Variants in GRM8 observed in about 807,000 individuals in gnomAD.
GRM8 encodes the protein metabotropic glutamate receptor 8.
In GRM8, 47 loss-of-function variants were observed where a neutral mutation model predicts 87.2. The observed-to-expected ratio is 0.54, with a 90% CI of 0.43 to 0.69. GRM8 has a LOEUF of 0.69. Among genes scored for constraint, GRM8 ranks in the 30% least tolerant of loss-of-function variants. The probability of loss-of-function intolerance (pLI) is 0.00; values close to 1 mark genes in which losing one functional copy is unlikely to be tolerated. For missense variants in GRM8, 1,019 were observed against 1,139.2 expected (o/e 0.89, Z 1.52); for synonymous variants, 396 against 404.5 (o/e 0.98, Z 0.25).
intron 3 of GRM8, among the ~76,000 whole-genome samples, chr7:126,926,377 C>T (rs12669621): frequency 6.6e-6 from 1 of 152,138 alleles, no homozygotes; most frequent in South Asian, 2.1e-4. Context: ...CAATGAGTCA[C>T]TAAGTCCTAC....
At chr7:127,068,973 C>T (rs767740719) in intron 3 of GRM8, among the ~76,000 whole-genome samples, 1 of 152,196 alleles carries the variant, frequency 6.6e-6, no homozygotes, top group South Asian at 2.1e-4. Flanking sequence ...AGAGGAGGAT[C>T]GCACCAGAAT....
At chr7:126,527,968 G>A (rs1814136565) in intron 9 of GRM8, among the ~76,000 whole-genome samples, 1 of 152,180 alleles carries the variant, frequency 6.6e-6, no homozygotes, top group African/African-American at 2.4e-5. Context: ...CATTTTGGGA[G>A]GCTAAGGCGG....
At chr7:126,516,469 G>T (rs1172030933) in intron 9 of GRM8, among the ~76,000 whole-genome samples, 1 of 151,918 alleles carries the variant, frequency 6.6e-6, no homozygotes, top group Non-Finnish European at 1.5e-5. Context: ...AGAAGCAGAA[G>T]GTATTTTTTT....
At chr7:126,806,993 G>A (rs13438547) in intron 6 of GRM8, among the ~76,000 whole-genome samples, 8,026 of 152,266 alleles carry the variant, frequency 0.053, 686 homozygotes, top group African/African-American at 0.18. Context: ...CGGCCAGAGC[G>A]GACGCCGAGG....
chr7:127,037,691 G>A (rs376067457), intron 3 of GRM8, among the ~76,000 whole-genome samples: 3 of 152,224 alleles, frequency 2.0e-5, no homozygotes, highest in East Asian at 3.9e-4. Flanking sequence ...TTAAATTAGA[G>A]GACAAAGAGG....
At chr7:126,607,221 T>C (rs1033850575) in intron 8 of GRM8, among the ~76,000 whole-genome samples, 15 of 152,238 alleles carry the variant, frequency 9.9e-5, no homozygotes, top group Non-Finnish European at 1.5e-5. Flanking sequence ...TGGATAAGAT[T>C]TCATGAAGCA....
chr7:126,743,390 C>T (rs1168821262), intron 7 of GRM8, among the ~76,000 whole-genome samples: 3 of 151,996 alleles, frequency 2.0e-5, no homozygotes, highest in African/African-American at 7.2e-5. Flanking sequence ...AGTGGATGTG[C>T]TATTAAAATG....
intron 3 of GRM8, among the ~76,000 whole-genome samples, chr7:126,950,755 G>T (rs945204006): frequency 1.3e-5 from 2 of 152,028 alleles, no homozygotes; most frequent in Admixed American, 6.6e-5. Flanking sequence ...ATAAATTAGA[G>T]AAACTTAGGC....
chr7:126,943,079 T>C (rs1283540630), intron 3 of GRM8, among the ~76,000 whole-genome samples: 2 of 152,184 alleles, frequency 1.3e-5, no homozygotes, highest in East Asian at 1.9e-4. Context: ...CTGCTGGGCC[T>C]TTGGCTCTCT....
At chr7:127,216,526 AAAAAAAAAC>A (rs1408077123) in intron 2 of GRM8, among the ~76,000 whole-genome samples, 7 of 150,568 alleles carry the variant, frequency 4.6e-5, no homozygotes, top group Non-Finnish European at 7.4e-5. Flanking sequence ...TCAAAAAAAA[AAAAAAAAAC>A]AAAAAAAAAA....
intron 8 of GRM8, among the ~76,000 whole-genome samples, chr7:126,545,952 C>T (rs192014915): frequency 6.6e-6 from 1 of 152,238 alleles, no homozygotes; most frequent in Admixed American, 6.5e-5. Flanking sequence ...GTGCAAAACA[C>T]TTACCCATTT....
At chr7:126,762,174 A>G (rs1817643391) in intron 7 of GRM8, among the ~76,000 whole-genome samples, 1 of 152,174 alleles carries the variant, frequency 6.6e-6, no homozygotes, top group Non-Finnish European at 1.5e-5. Flanking sequence ...AAATAAATAA[A>G]TGATTTATGA....
intron 6 of GRM8, among the ~76,000 whole-genome samples, chr7:126,843,179 G>T (rs1375362253): frequency 6.6e-6 from 1 of 152,132 alleles, no homozygotes; most frequent in Non-Finnish European, 1.5e-5. Flanking sequence ...GAAGTGTTGG[G>T]ATTTCAGCTT....
At chr7:126,849,364 A>C (rs779190696) in intron 6 of GRM8, among the ~76,000 whole-genome samples, 1 of 152,192 alleles carries the variant, frequency 6.6e-6, no homozygotes, top group Non-Finnish European at 1.5e-5. Context: ...GAATTTTAAA[A>C]GGGAAAAAAG....
intron 7 of GRM8, among the ~76,000 whole-genome samples, chr7:126,655,544 G>A (rs1804426825): frequency 6.6e-6 from 1 of 151,878 alleles, no homozygotes; most frequent in Non-Finnish European, 1.5e-5. Context: ...TGTTAAAACG[G>A]ACTAATAAAT....
intron 6 of GRM8, among the ~76,000 whole-genome samples, chr7:126,838,910 G>A (rs537094913): frequency 1.3e-5 from 2 of 152,142 alleles, no homozygotes; most frequent in African/African-American, 2.4e-5. Flanking sequence ...TCAGGTGTAC[G>A]CTTTGCCCAT....
At chr7:126,799,230 C>T (rs1822354822) in intron 6 of GRM8, among the ~76,000 whole-genome samples, 1 of 152,042 alleles carries the variant, frequency 6.6e-6, no homozygotes, top group Admixed American at 6.6e-5. Context: ...TGACAAGATC[C>T]CCATAGGATT....
chr7:126,904,019 A>G lies in GRM8; in HGVS notation c.971T>C (p.Ile324Thr), dbSNP rs762212883. 3.8e-6 allele frequency: 6 copies of G among 1,580,846 alleles called. No homozygotes were observed. In the South Asian group the frequency reaches 4.4e-5, roughly 12 times the overall value. The change falls in exon 5 of 11, where the codon ATT (isoleucine) becomes ACT (threonine). Residue 324 changes from isoleucine (I) to threonine (T), a missense_variant. Transcript: ENST00000339582. Reference sequence around the variant, plus strand: ...CAAAATTGTCACAGCCCCTTCTGCAATCTCCTCTTGCTGATAGACAGGTGC... The same window carrying G: ...CAAAATTGTCACAGCCCCTTCTGCAGTCTCCTCTTGCTGATAGACAGGTGC... ...KIAPVYQQEEIAEGAVTILPK... is the reference protein window; with the variant it reads ...KIAPVYQQEETAEGAVTILPK...
intron 3 of GRM8, among the ~76,000 whole-genome samples, chr7:126,923,637 G>A (rs548635860): frequency 5.3e-4 from 81 of 152,260 alleles, no homozygotes; most frequent in African/African-American, 1.9e-3. Context: ...AGAGAACAGG[G>A]AAACACGTGA....
Sources: gnomAD v4.1 joint callset for allele counts (sites outside exome capture counted in the v4.1 genomes callset) on GRCh38, gnomAD v4.1.1 for gene constraint, MANE v1.5 for transcripts, NCBI Gene and HGNC (gene_info 2026-07-23, HGNC 2026-07-21) for gene names.